The following ESRP1 variants were observed in gnomAD, a reference collection of about 807,000 sequenced individuals.
The protein encoded by ESRP1 is epithelial splicing regulatory protein 1.
Under a neutral mutation model 81.7 loss-of-function variants are expected in ESRP1, and 33 were observed. The observed-to-expected ratio is 0.40, with a 90% CI of 0.31 to 0.54. The LOEUF (loss-of-function observed/expected upper bound fraction) is 0.54, where lower values mean the gene tolerates loss of function less well. Ranked by LOEUF, ESRP1 falls within the 20% of genes least tolerant of loss-of-function variation. The probability of loss-of-function intolerance (pLI) is 0.41; values close to 1 mark genes in which losing one functional copy is unlikely to be tolerated. For missense variants in ESRP1, 672 were observed against 833.1 expected, an observed-to-expected ratio of 0.81 and a Z score of 2.38; for synonymous variants, 320 against 303.3, an observed-to-expected ratio of 1.06 and a Z score of -0.57.
At chr8:94,653,449 T>C (rs558846198) in intron 4 of ESRP1, among the ~76,000 whole-genome samples, 2 of 152,274 alleles carry the variant, frequency 1.3e-5, no homozygotes, top group African/African-American at 4.8e-5. Flanking sequence ...TAGCTGGTGG[T>C]TGGCCTGCCC....
chr8:94,700,582 T>C (rs1421813704), intron 15 of ESRP1, among the ~76,000 whole-genome samples: 3 of 152,224 alleles, frequency 2.0e-5, no homozygotes, highest in Non-Finnish European at 4.4e-5. Flanking sequence ...TCTTATTTTA[T>C]GCCACCCAAT....
chr8:94,689,941 T>C (rs1222458587), intron 13 of ESRP1, among the ~76,000 whole-genome samples: 1 of 151,176 alleles, frequency 6.6e-6, no homozygotes. Context: ...CTCAGCTTCC[T>C]GAGTAGCTGG....
intron 15 of ESRP1, among the ~76,000 whole-genome samples, chr8:94,701,716 G>A (rs1247906253): frequency 6.6e-6 from 1 of 152,054 alleles, no homozygotes; most frequent in Non-Finnish European, 1.5e-5. Flanking sequence ...AAAGGGCTGG[G>A]ATACCGGCAT....
At chr8:94,663,707 G>C (rs1460314116) in intron 6 of ESRP1, among the ~76,000 whole-genome samples, 3 of 152,094 alleles carry the variant, frequency 2.0e-5, no homozygotes, top group African/African-American at 7.2e-5. Flanking sequence ...TGCCCATAGA[G>C]AGAGACTTTG....
In ESRP1 at chr8:94,706,121, T is replaced by C; in HGVS notation, c.*232T>C. Reference sequence around the variant, plus strand: ...AAATCGTAACTTACAGCAAGCAGCATGCAGCATACCTGGCTCTTTGCTGAT... The same window carrying C: ...AAATCGTAACTTACAGCAAGCAGCACGCAGCATACCTGGCTCTTTGCTGAT... On this transcript the variant is annotated 3_prime_UTR_variant, in exon 16 of 16. Coordinates refer to ENST00000433389, the MANE Select transcript of ESRP1 (RefSeq NM_017697.4). 1.7e-6 allele frequency: 1 copy of C among 597,778 alleles called. No homozygotes were observed. The highest frequency in any genetic ancestry group is 2.8e-5 in the East Asian group (1 of 35,170). 37.0% of individuals were successfully genotyped at this position (597,778 alleles called of 1,614,324 possible).
rs771528226 is a variant in ESRP1, at chr8:94,668,161, T to C, written c.1144T>C (p.Tyr382His). The C allele has an allele frequency of 6.2e-7, 1 of 1,614,024 alleles. No homozygotes were observed. Among genetic ancestry groups the C allele is most frequent in the Admixed American group, 1.7e-5 (1 of 60,026 alleles). ...DAFVLFACEE[Y>H]AQNALRKHKD... The stretch of plus-strand genomic sequence containing the variant: ...TTTTGTCCTCTTTGCCTGTGAGGAA[T>C]ATGCACAGAATGCGTTGAGGAAGCA... The change falls in exon 10 of 16, where the codon TAT (tyrosine) becomes CAT (histidine). Residue 382 changes from tyrosine to histidine, a missense_variant. By Grantham distance (83) the Tyr-to-His change is moderately conservative (BLOSUM62 2). Transcript: ENST00000433389.
intron 13 of ESRP1, among the ~76,000 whole-genome samples, chr8:94,680,764 A>C (rs1464181701): frequency 2.0e-5 from 3 of 152,210 alleles, no homozygotes. Flanking sequence ...ACTACTGGGC[A>C]TTTGAGGCTA....
chr8:94,699,169 A>G (rs373211446), intron 15 of ESRP1, among the ~76,000 whole-genome samples: 1 of 152,200 alleles, frequency 6.6e-6, no homozygotes, highest in African/African-American at 2.4e-5. Flanking sequence ...ACATTACACC[A>G]GAAATGTCCT....
intron 13 of ESRP1, among the ~76,000 whole-genome samples, chr8:94,690,718 T>C (rs1809368679): frequency 6.6e-6 from 1 of 152,178 alleles, no homozygotes; most frequent in Admixed American, 6.6e-5. Flanking sequence ...TCAGGCTTAA[T>C]TTATAGAAGA....
At chr8:94,659,171 G>A (rs181725933) in intron 4 of ESRP1, among the ~76,000 whole-genome samples, 327 of 152,152 alleles carry the variant, frequency 2.1e-3, no homozygotes, top group Non-Finnish European at 3.8e-3. Context: ...GTGAGCCACC[G>A]TGTCTGGCCA....
intron 10 of ESRP1, among the ~76,000 whole-genome samples, chr8:94,670,237 CATTTT>C (rs1819245716): frequency 6.6e-6 from 1 of 152,128 alleles, no homozygotes; most frequent in African/African-American, 2.4e-5. Context: ...CATTACTAGT[CATTTT>C]ATTCAGTAAA....
chr8:94,703,305 C>T (rs545461389), intron 15 of ESRP1, among the ~76,000 whole-genome samples: 42 of 152,140 alleles, frequency 2.8e-4, no homozygotes, highest in Middle Eastern at 3.4e-3. Context: ...CAAGCACACA[C>T]CGCTACTCCC....
At chr8:94,665,482 G>A (rs558786818) in intron 9 of ESRP1, among the ~76,000 whole-genome samples, 1 of 152,252 alleles carries the variant, frequency 6.6e-6, no homozygotes, top group African/African-American at 2.4e-5. Context: ...CATATGGAAA[G>A]GCTAGGTTTT....
At chr8:94,688,726 C>T (rs530435764) in intron 13 of ESRP1, 2 of 164,996 alleles carry the variant, frequency 1.2e-5, no homozygotes, top group East Asian at 1.9e-4. Context: ...GTCTATATGC[C>T]TCTCCTTATG....
At chr8:94,653,381 A>G (rs762398700) in intron 4 of ESRP1, among the ~76,000 whole-genome samples, 1 of 152,148 alleles carries the variant, frequency 6.6e-6, no homozygotes, top group African/African-American at 2.4e-5. Context: ...CAGATTCCCC[A>G]TCTTAAAATG....
intron 15 of ESRP1, among the ~76,000 whole-genome samples, chr8:94,699,929 AATATCAAATTCATTATC>A (rs1370072803): frequency 2.0e-5 from 3 of 152,046 alleles, no homozygotes; most frequent in African/African-American, 7.2e-5. Flanking sequence ...CCTCCTTATC[AATATCAAATTCATTATC>A]ATAACCGAGT....
chr8:94,697,499 C>T (rs1438494515), intron 15 of ESRP1, among the ~76,000 whole-genome samples: 1 of 152,096 alleles, frequency 6.6e-6, no homozygotes, highest in African/African-American at 2.4e-5. Context: ...CTGTGTTTGT[C>T]TTTTTAGGTT....
chr8:94,705,463 C>T (rs1006240296), intron 15 of ESRP1, among the ~76,000 whole-genome samples: 10 of 152,086 alleles, frequency 6.6e-5, no homozygotes, highest in South Asian at 6.2e-4. Context: ...CCACCATGCC[C>T]GGCTCCTTAT....
At chr8:94,660,740 A>AAC (rs1563525289) in intron 4 of ESRP1, among the ~76,000 whole-genome samples, 15 of 121,724 alleles carry the variant, frequency 1.2e-4, no homozygotes, top group African/African-American at 3.9e-4. Flanking sequence ...AAAAAAAAAA[A>AAC]AAACCAAAAC....
Sources: allele counts gnomAD v4.1 joint callset (sites outside exome capture counted in the v4.1 genomes callset), GRCh38; gene constraint gnomAD v4.1.1; transcripts MANE v1.5; gene names NCBI Gene and HGNC (gene_info 2026-07-23, HGNC 2026-07-21).